Variants in C3orf33 observed in about 807,000 individuals in gnomAD.
C3orf33 encodes mitochondrial inner membrane subdomain organizer 1, also known as AP-1 activity suppressor.
C3orf33 carries 23 observed loss-of-function variants against 28.7 expected under a neutral mutation model. The ratio of observed to expected loss-of-function variants is 0.80; its 90% confidence interval spans 0.58 to 1.13. The LOEUF is 1.13. C3orf33 is among the 50% of genes most tolerant of loss of function. The pLI is 0.00. For synonymous variants in C3orf33, 119 were observed against 120.5 expected (o/e 0.99, Z 0.08); for missense variants, 327 against 353.4 (o/e 0.93, Z 0.60).
At chr3:155,767,338 C>G (rs1004357449) in intron 4 of C3orf33, among the ~76,000 whole-genome samples, 171 bp downstream of exon 4, 4 of 151,638 alleles carry the variant, frequency 2.6e-5, no homozygotes, top group Admixed American at 6.6e-5. Flanking sequence ...ACATATGTAA[C>G]TAAAATAAAA....
At chr3:155,793,324 A>T (rs896196418) in intron 2 of C3orf33, among the ~76,000 whole-genome samples, 1 of 151,930 alleles carries the variant, frequency 6.6e-6, no homozygotes, top group Non-Finnish European at 1.5e-5. Context: ...GACTTCCTCA[A>T]CACCAGACAT....
intron 1 of C3orf33, 51 bp downstream of exon 1, chr3:155,806,088 C>G (rs891563536): frequency 2.3e-6 from 3 of 1,277,472 alleles, no homozygotes; most frequent in Non-Finnish European, 3.1e-6. Flanking sequence ...CTCAGGGTCG[C>G]TCTGTGCCGC....
intron 4 of C3orf33, among the ~76,000 whole-genome samples, chr3:155,766,179 C>A (rs1047039388): frequency 6.6e-6 from 1 of 152,128 alleles, no homozygotes; most frequent in Non-Finnish European, 1.5e-5. Context: ...TAGGCACAAG[C>A]GACTGTACCC....
Position 155,800,345 on chromosome 3 carries a change from T to G in C3orf33, c.174+2187A>C, listed in dbSNP as rs1466256604. On this transcript the variant is annotated intron_variant, in intron 2 of 4. Transcript: ENST00000340171. ...TAGGTGGGGTGCAGTGGCTCATGTC[T>G]GTAATCCCAGCACTCTGGGAGGCTA... Among the ~76,000 whole-genome samples the G allele has an allele frequency of 2.0e-5, 3 of 152,104 alleles. No individual in the cohort carries two copies. The East Asian group carries it at 5.8e-4, about 29-fold the overall frequency.
chr3:155,774,800 C>T (rs1028997018), intron 3 of C3orf33, among the ~76,000 whole-genome samples: 1 of 151,856 alleles, frequency 6.6e-6, no homozygotes. Context: ...CACCCTTCCT[C>T]CCTGTGCCTC....
intron 2 of C3orf33, among the ~76,000 whole-genome samples, chr3:155,800,683 T>C (rs866760532): frequency 2.2e-5 from 3 of 138,628 alleles, no homozygotes; most frequent in Middle Eastern, 4.3e-3. Context: ...TTGCAAATCA[T>C]TTATCTAATC....
intron 2 of C3orf33, among the ~76,000 whole-genome samples, chr3:155,786,693 T>G (rs1177919218): frequency 1.3e-5 from 2 of 152,016 alleles, no homozygotes; most frequent in Non-Finnish European, 2.9e-5. Flanking sequence ...TAGCTGAGCA[T>G]GGTGGCAGGT....
intron 3 of C3orf33, among the ~76,000 whole-genome samples, chr3:155,772,198 C>T (rs553142914): frequency 5.5e-4 from 84 of 152,194 alleles, no homozygotes; most frequent in African/African-American, 2.0e-3. Flanking sequence ...GAGCAAGACC[C>T]AGTCTCAAAA....
At chr3:155,783,984 T>C (rs1751023390) in intron 2 of C3orf33, among the ~76,000 whole-genome samples, 1 of 151,710 alleles carries the variant, frequency 6.6e-6, no homozygotes, top group Admixed American at 6.6e-5. Context: ...CAGGCTGGAG[T>C]GCAATGGCAC....
At chr3:155,770,314 C>T (rs1750541556) in intron 3 of C3orf33, among the ~76,000 whole-genome samples, 1 of 152,168 alleles carries the variant, frequency 6.6e-6, no homozygotes, top group Admixed American at 6.5e-5. Context: ...GCCCACCAGG[C>T]CAAGTGGGCA....
At chr3:155,785,513 T>C (rs1214192670) in intron 2 of C3orf33, among the ~76,000 whole-genome samples, 1 of 152,152 alleles carries the variant, frequency 6.6e-6, no homozygotes, top group Non-Finnish European at 1.5e-5. Context: ...GTATCTTCTC[T>C]GAACACAACA....
chr3:155,779,874 G>GA (rs1024733478), intron 2 of C3orf33, among the ~76,000 whole-genome samples: 2 of 152,142 alleles, frequency 1.3e-5, no homozygotes, highest in Non-Finnish European at 2.9e-5. Context: ...AGCTGAAGGA[G>GA]AAAATCAAAG....
chr3:155,798,755 A>T (rs542408792), intron 2 of C3orf33, among the ~76,000 whole-genome samples: 7 of 151,098 alleles, frequency 4.6e-5, no homozygotes, highest in African/African-American at 1.5e-4. Context: ...GCAACCAAAG[A>T]AAAAATAGAC....
intron 2 of C3orf33, among the ~76,000 whole-genome samples, chr3:155,792,938 C>T (rs943973438): frequency 9.9e-5 from 15 of 152,024 alleles, no homozygotes; most frequent in African/African-American, 3.6e-4. Flanking sequence ...AGAGAACGTA[C>T]AAAATCTAGA....
At chr3:155,805,776 C>T (rs2109287359) in intron 1 of C3orf33, 1 of 490,798 alleles carries the variant, frequency 2.0e-6, no homozygotes, top group African/African-American at 1.9e-5. Context: ...TCTCCCAAGG[C>T]GTACAGGACT....
intron 2 of C3orf33, among the ~76,000 whole-genome samples, chr3:155,783,929 GTTTTT>G (rs550660072): frequency 4.1e-5 from 6 of 145,778 alleles, no homozygotes; most frequent in African/African-American, 1.5e-4. Flanking sequence ...TTTGTTTGGG[GTTTTT>G]TTTTTGTTTT....
intron 2 of C3orf33, among the ~76,000 whole-genome samples, chr3:155,795,975 A>C (rs1352132222): frequency 6.6e-6 from 1 of 152,062 alleles, no homozygotes; most frequent in East Asian, 1.9e-4. Flanking sequence ...TAATAATAAT[A>C]ATGAAAACAC....
At chr3:155,799,311 C>T (rs1014757350) in intron 2 of C3orf33, among the ~76,000 whole-genome samples, 6 of 152,122 alleles carry the variant, frequency 3.9e-5, no homozygotes, top group African/African-American at 1.2e-4. Flanking sequence ...AAAGAGATAC[C>T]TTTAATCCCA....
chr3:155,780,816 G>C (rs1750896337), intron 2 of C3orf33, among the ~76,000 whole-genome samples: 1 of 152,148 alleles, frequency 6.6e-6, no homozygotes, highest in Admixed American at 6.6e-5. Flanking sequence ...TCCTGACAAA[G>C]GAAAAGTTGT....
Sources: allele counts gnomAD v4.1 joint callset (sites outside exome capture counted in the v4.1 genomes callset), GRCh38; gene constraint gnomAD v4.1.1; transcripts MANE v1.5; gene names NCBI Gene and HGNC (gene_info 2026-07-23, HGNC 2026-07-21).